The following SEMA3C variants were observed in gnomAD, a reference collection of about 807,000 sequenced individuals.
SEMA3C encodes the protein semaphorin-3C.
SEMA3C carries 47 observed loss-of-function variants against 89.4 expected under a neutral mutation model. The ratio of observed to expected loss-of-function variants is 0.53; its 90% CI spans 0.42 to 0.67. The LOEUF (loss-of-function observed/expected upper bound fraction) is 0.67, where lower values mean the gene tolerates loss of function less well. SEMA3C is among the 30% of genes least tolerant of loss of function. The pLI is 0.00. For missense variants in SEMA3C, 839 were observed against 929.1 expected, an observed-to-expected ratio of 0.90 and a Z score of 1.26; for synonymous variants, 310 against 320.2, an observed-to-expected ratio of 0.97 and a Z score of 0.34.
chr7:80,836,202 G>A (rs940321753), intron 2 of SEMA3C, among the ~76,000 whole-genome samples: 11 of 152,096 alleles, frequency 7.2e-5, no homozygotes, highest in Admixed American at 5.9e-4. Context: ...AGGTGTGAGA[G>A]GCAGCATGAA....
At chr7:80,773,582 C>T (rs370805756) in intron 12 of SEMA3C, among the ~76,000 whole-genome samples, 2 of 152,140 alleles carry the variant, frequency 1.3e-5, no homozygotes, top group African/African-American at 4.8e-5. Context: ...TACTCACAAG[C>T]TAATATTCAT....
intron 13 of SEMA3C, among the ~76,000 whole-genome samples, chr7:80,764,319 T>C (rs1788248834): frequency 6.6e-6 from 1 of 152,190 alleles, no homozygotes; most frequent in Admixed American, 6.5e-5. Flanking sequence ...GAAATAGTGT[T>C]CTGCAGCAGG....
rs35936052 is a variant in SEMA3C, at chr7:80,851,504, T to TAAAAA, written c.104-22764_104-22760dup. Among the ~76,000 whole-genome samples the TAAAAA allele has an allele frequency of 2.6e-3, 183 of 69,796 alleles. 2 individuals carry two copies. Among genetic ancestry groups the TAAAAA allele is most frequent in the African/African-American group, 8.3e-3 (159 of 19,102 alleles). The allele number at this position is 69,796 out of a possible 152,430, so 45.8% of individuals were successfully genotyped here. A position where few individuals can be genotyped will look rare whatever the true frequency, so the allele number is the denominator to read the frequency against. On this transcript the variant is annotated intron_variant, in intron 2 of 17. Coordinates refer to ENST00000265361, the MANE Select transcript of SEMA3C (RefSeq NM_006379.5). Reference sequence around the variant, plus strand: ...GGTGACAGAGCAAGACTCTTGTCTTTAAAAAAAAAAAAAAAAAAAAAAAAA... The same window carrying TAAAAA: ...GGTGACAGAGCAAGACTCTTGTCTTTAAAAAAAAAAAAAAAAAAAAAAAAAAAAAA...
At chr7:80,874,620 C>G (rs145207242) in intron 2 of SEMA3C, among the ~76,000 whole-genome samples, 1 of 151,946 alleles carries the variant, frequency 6.6e-6, no homozygotes, top group East Asian at 2.0e-4. Context: ...GTGTCCACCA[C>G]CACACCTGGT....
intron 11 of SEMA3C, among the ~76,000 whole-genome samples, chr7:80,792,706 A>G (rs1788971342): frequency 6.6e-6 from 1 of 152,186 alleles, no homozygotes; most frequent in Non-Finnish European, 1.5e-5. Flanking sequence ...TAATACTCCC[A>G]TGAATTTATC....
intron 12 of SEMA3C, among the ~76,000 whole-genome samples, chr7:80,776,146 TA>T (rs1471540541): frequency 3.9e-5 from 6 of 152,026 alleles, no homozygotes; most frequent in Non-Finnish European, 8.8e-5. Flanking sequence ...CTGAACACCG[TA>T]TATGTACAAG....
intron 2 of SEMA3C, among the ~76,000 whole-genome samples, chr7:80,856,532 TAAGGA>T (rs1790644236): frequency 1.9e-5 from 2 of 107,960 alleles, no homozygotes; most frequent in Non-Finnish European, 3.5e-5. Flanking sequence ...CTGCATTGGT[TAAGGA>T]AAAAAAAAAA....
intron 11 of SEMA3C, among the ~76,000 whole-genome samples, chr7:80,792,839 T>C (rs1021098032): frequency 6.6e-6 from 1 of 152,202 alleles, no homozygotes; most frequent in Admixed American, 6.5e-5. Context: ...GTGCTAATAA[T>C]GTAACACAAA....
intron 4 of SEMA3C, among the ~76,000 whole-genome samples, chr7:80,825,903 T>G (rs114972747): frequency 6.6e-6 from 1 of 152,322 alleles, no homozygotes; most frequent in South Asian, 2.1e-4. Context: ...TCCTGGAATG[T>G]CATTGTAATG....
chr7:80,746,308 A>G (rs1032443766), intron 17 of SEMA3C, among the ~76,000 whole-genome samples: 3 of 152,162 alleles, frequency 2.0e-5, no homozygotes, highest in Non-Finnish European at 2.9e-5. Flanking sequence ...GTATTAAAAG[A>G]TAATAGAACA....
intron 8 of SEMA3C, among the ~76,000 whole-genome samples, chr7:80,803,282 T>C (rs1404004102): frequency 6.6e-6 from 1 of 152,160 alleles, no homozygotes; most frequent in Admixed American, 6.6e-5. Context: ...TGATGCCTAA[T>C]TATACATTAT....
chr7:80,850,628 G>A (rs905500408), intron 2 of SEMA3C, among the ~76,000 whole-genome samples: 2 of 152,144 alleles, frequency 1.3e-5, no homozygotes, highest in South Asian at 2.1e-4. Context: ...GGTCACCGGA[G>A]TGACAAAAAG....
chr7:80,869,018 T>C (rs1468514342), intron 2 of SEMA3C, among the ~76,000 whole-genome samples: 1 of 152,242 alleles, frequency 6.6e-6, no homozygotes, highest in East Asian at 1.9e-4. Flanking sequence ...AAATTAGGTA[T>C]ATATTTAAGA....
intron 16 of SEMA3C, 149 bp downstream of exon 16, chr7:80,751,120 T>C (rs1787925186): frequency 1.7e-6 from 1 of 593,172 alleles, no homozygotes; most frequent in Admixed American, 3.0e-5. Context: ...CTTTAAGTTT[T>C]AATTACCCTA....
intron 2 of SEMA3C, among the ~76,000 whole-genome samples, chr7:80,845,303 CTT>C (rs34699588): frequency 6.6e-6 from 1 of 151,774 alleles, no homozygotes; most frequent in Non-Finnish European, 1.5e-5. Flanking sequence ...TCATCTTTCA[CTT>C]TTTTTGAAAC....
intron 2 of SEMA3C, among the ~76,000 whole-genome samples, chr7:80,854,451 C>T (rs568804430): frequency 3.4e-4 from 51 of 152,130 alleles, no homozygotes; most frequent in Non-Finnish European, 4.6e-4. Context: ...ATTAGAAAGA[C>T]GACAGTCTTA....
intron 13 of SEMA3C, among the ~76,000 whole-genome samples, chr7:80,764,132 C>T (rs1033901756): frequency 3.3e-5 from 5 of 152,096 alleles, no homozygotes; most frequent in Non-Finnish European, 5.9e-5. Context: ...TTTTGGTGAC[C>T]GTGGGAATGT....
intron 12 of SEMA3C, among the ~76,000 whole-genome samples, chr7:80,787,860 G>A (rs1284228539): frequency 1.3e-5 from 2 of 152,192 alleles, no homozygotes; most frequent in African/African-American, 4.8e-5. Context: ...TTATTCCTCA[G>A]ATGTCAGGCA....
chr7:80,893,590 G>T (rs17154583), intron 2 of SEMA3C, among the ~76,000 whole-genome samples: 1 of 151,892 alleles, frequency 6.6e-6, no homozygotes, highest in East Asian at 1.9e-4. Flanking sequence ...ATGTCTGTTC[G>T]ATACAAAAGA....
Sources: allele counts gnomAD v4.1 joint callset (sites outside exome capture counted in the v4.1 genomes callset), GRCh38; gene constraint gnomAD v4.1.1; transcripts MANE v1.5; gene names NCBI Gene and HGNC (gene_info 2026-07-23, HGNC 2026-07-21).